The following SEPHS1 variants were observed in gnomAD, a reference collection of about 807,000 sequenced individuals.
SEPHS1 encodes zincore component SEPHS1.
SEPHS1 carries 7 observed loss-of-function variants against 39.2 expected under a neutral mutation model. The ratio of observed to expected loss-of-function variants is 0.18; its 90% confidence interval spans 0.10 to 0.34. SEPHS1 has a LOEUF of 0.34. Ranked by LOEUF, SEPHS1 falls within the 10% of genes least tolerant of loss-of-function variation. The pLI is 1.00. For synonymous variants in SEPHS1, 190 were observed against 195.5 expected (o/e 0.97, Z 0.23); for missense variants, 253 against 514.5 (o/e 0.49, Z 4.92).
At position 13,328,412 on chromosome 10, in the gene SEPHS1, T is replaced by C. The variant is rs1274837593; in HGVS notation, c.690A>G (p.Gln230=). The C allele has an allele frequency of 1.9e-5, 31 of 1,613,672 alleles. No individual in the cohort carries two copies. Among genetic ancestry groups the C allele is most frequent in the Non-Finnish European group, 2.6e-5 (31 of 1,179,700 alleles). The change falls in exon 7 of 9, where the codon CAA becomes CAG. Residue 230 remains glutamine (Q), a synonymous_variant. Transcript: ENST00000327347. ...CCTGGTAGGCCAGCTCTACATCTTCTTGGGTGACCACTAGTTTAATCTTAT... is the reference window on the plus strand; with the variant it reads ...CCTGGTAGGCCAGCTCTACATCTTCCTGGGTGACCACTAGTTTAATCTTAT... ...KWNKIKLVVT[Q]EDVELAYQEA...
intron 1 of SEPHS1, among the ~76,000 whole-genome samples, chr10:13,347,692 C>T (rs1364839652): frequency 1.4e-5 from 2 of 147,184 alleles, no homozygotes; most frequent in East Asian, 2.0e-4. Context: ...GCAAAAATGT[C>T]GGCGGGCGAA....
chr10:13,332,397 TTC>T (rs746761745), intron 5 of SEPHS1, among the ~76,000 whole-genome samples: 134 of 152,274 alleles, frequency 8.8e-4, no homozygotes, highest in Non-Finnish European at 1.7e-3. Flanking sequence ...GCTACAGGGC[TTC>T]TTTTTGGGGT....
At chr10:13,336,170 C>T in intron 4 of SEPHS1, 73 bp downstream of exon 4, 1 of 1,031,068 alleles carries the variant, frequency 9.7e-7, no homozygotes, top group Non-Finnish European at 1.5e-6. Context: ...AGATGGGAAA[C>T]CAAGTCTAAC....
chr10:13,331,393 CT>C (rs71513366), intron 5 of SEPHS1, among the ~76,000 whole-genome samples: 6 of 150,218 alleles, frequency 4.0e-5, no homozygotes, highest in Non-Finnish European at 8.9e-5. Flanking sequence ...AATTCTAGAT[CT>C]TTTTTTTTTG....
chr10:13,326,436 T>G (rs943606980), intron 7 of SEPHS1, among the ~76,000 whole-genome samples: 1 of 149,056 alleles, frequency 6.7e-6, no homozygotes, highest in Non-Finnish European at 1.5e-5. Context: ...ATCCTGCCAC[T>G]GCACTTCAGC....
intron 5 of SEPHS1, 73 bp downstream of exon 5, chr10:13,333,744 T>C (rs1833538644): frequency 6.6e-6 from 10 of 1,506,652 alleles, no homozygotes; most frequent in Non-Finnish European, 8.2e-6. Flanking sequence ...CTGACCTTAA[T>C]ACATCAATTT....
chr10:13,330,015 G>A (rs940794141), intron 5 of SEPHS1, among the ~76,000 whole-genome samples: 5 of 152,186 alleles, frequency 3.3e-5, no homozygotes, highest in Non-Finnish European at 5.9e-5. Flanking sequence ...GCTCATTTCT[G>A]TAACCCCAGC....
At chr10:13,323,199 G>C in intron 7 of SEPHS1, 152 bp from the exon 8 acceptor site, 1 of 683,128 alleles carries the variant, frequency 1.5e-6, no homozygotes, top group Non-Finnish European at 2.5e-6. Context: ...AAGACATAGT[G>C]AAATTCCAAA....
intron 3 of SEPHS1, 26 bp from the exon 4 acceptor site, chr10:13,336,376 A>T: frequency 6.4e-7 from 1 of 1,560,206 alleles, no homozygotes; most frequent in Non-Finnish European, 8.8e-7. Flanking sequence ...AACATGAGAA[A>T]GGACGACCGG....
In SEPHS1 at chr10:13,342,496, T is replaced by C. The variant is rs142976524; in HGVS notation, c.193+2262A>G. Among the ~76,000 whole-genome samples, 644 of 148,556 alleles carry C rather than the reference T, an allele frequency of 4.3e-3. 1 individual carries two copies. The highest frequency in any genetic ancestry group is 0.015 in the African/African-American group (596 of 40,220). ...CTACTTGGGAGGCAGAGGCAGGAGA[T>C]CACTGCTTGAACCTGGGAAGCGGAG... is the stretch of plus-strand genomic sequence containing the variant. On this transcript the variant is annotated intron_variant, in intron 2 of 8. Coordinates refer to ENST00000327347, the MANE Select transcript of SEPHS1 (RefSeq NM_012247.5).
intron 1 of SEPHS1, among the ~76,000 whole-genome samples, chr10:13,347,642 G>C (rs1354217215): frequency 6.8e-6 from 1 of 147,076 alleles, no homozygotes; most frequent in African/African-American, 2.4e-5. Flanking sequence ...ACCCCAGGCC[G>C]GCCGCTCCCG....
chr10:13,322,121 T>C (rs1029788413), intron 8 of SEPHS1: 2 of 427,292 alleles, frequency 4.7e-6, no homozygotes, highest in African/African-American at 4.2e-5. Flanking sequence ...GCATTCTTTT[T>C]TATTCTGTAT....
chr10:13,335,456 G>A (rs1397825216), intron 4 of SEPHS1, among the ~76,000 whole-genome samples: 1 of 149,300 alleles, frequency 6.7e-6, no homozygotes, highest in Non-Finnish European at 1.5e-5. Context: ...ACGAGCTCAG[G>A]AGTTCGAGAC....
chr10:13,325,461 T>C (rs563138892), intron 7 of SEPHS1, among the ~76,000 whole-genome samples: 53 of 152,292 alleles, frequency 3.5e-4, no homozygotes, highest in African/African-American at 1.2e-3. Context: ...TGAGATCTGA[T>C]GGTTTTGTAA....
intron 3 of SEPHS1, among the ~76,000 whole-genome samples, chr10:13,337,391 A>AAC (rs1191790512): frequency 2.0e-5 from 3 of 152,230 alleles, no homozygotes; most frequent in Non-Finnish European, 4.4e-5. Flanking sequence ...GATTTTTAAA[A>AAC]GTTAAGTTGC....
At chr10:13,320,319 C>A (rs1323694722) in intron 8 of SEPHS1, among the ~76,000 whole-genome samples, 1 of 151,786 alleles carries the variant, frequency 6.6e-6, no homozygotes, top group Non-Finnish European at 1.5e-5. Flanking sequence ...GTAGCTGGGA[C>A]TACAGGCGCC....
At chr10:13,336,901 A>C (rs1833652955) in intron 3 of SEPHS1, among the ~76,000 whole-genome samples, 2 of 152,246 alleles carry the variant, frequency 1.3e-5, no homozygotes, top group African/African-American at 2.4e-5. Context: ...CTGTAATCCC[A>C]GCAATTTGAG....
chr10:13,323,755 T>C (rs1484630538), intron 7 of SEPHS1, among the ~76,000 whole-genome samples: 1 of 151,814 alleles, frequency 6.6e-6, no homozygotes, highest in Admixed American at 6.6e-5. Flanking sequence ...TTTTTTTTTT[T>C]TTAAGAGACA....
At chr10:13,328,519 T>G in intron 6 of SEPHS1, 69 bp from the exon 7 acceptor site, 1 of 1,102,014 alleles carries the variant, frequency 9.1e-7, no homozygotes, top group Non-Finnish European at 1.3e-6. Context: ...TTCTAGCAAC[T>G]GAGAAAAACA....
Sources: allele counts gnomAD v4.1 joint callset (sites outside exome capture counted in the v4.1 genomes callset), GRCh38; gene constraint gnomAD v4.1.1; transcripts MANE v1.5; gene names NCBI Gene and HGNC (gene_info 2026-07-23, HGNC 2026-07-21).